NCK2: variants seen among roughly 807,000 people sequenced by gnomAD.
The protein encoded by NCK2 is NCK adaptor protein 2, also known as cytoplasmic protein NCK2.
NCK2 carries 16 observed loss-of-function variants against 33.9 expected under a neutral mutation model. That is an observed-to-expected ratio of 0.47 (90% CI 0.32 to 0.72). NCK2 has a LOEUF of 0.72. Ranked by LOEUF, NCK2 falls within the 30% of genes least tolerant of loss-of-function variation. The pLI, the probability that NCK2 is intolerant of heterozygous loss-of-function variation, is 0.03. For synonymous variants in NCK2, 273 were observed against 239.9 expected (o/e 1.14, Z -1.27); for missense variants, 418 against 537.3 (o/e 0.78, Z 2.19).
At chr2:105,755,295 T>C (rs747649369) in intron 1 of NCK2, among the ~76,000 whole-genome samples, 1 of 152,080 alleles carries the variant, frequency 6.6e-6, no homozygotes, top group Non-Finnish European at 1.5e-5. Context: ...AGGAGGAGGG[T>C]GTCAGACATC....
At chr2:105,802,897 C>T (rs1251561315) in intron 1 of NCK2, among the ~76,000 whole-genome samples, 3 of 151,988 alleles carry the variant, frequency 2.0e-5, no homozygotes, top group African/African-American at 7.3e-5. Context: ...CTGCTGCTTT[C>T]TCGGGGGTGA....
chr2:105,854,889 G>A, intron 2 of NCK2, 159 bp from the exon 3 acceptor site: 1 of 586,480 alleles, frequency 1.7e-6, no homozygotes, highest in Non-Finnish European at 3.1e-6. Flanking sequence ...AAAGCTTGTT[G>A]AAAGAAGGTC....
intron 2 of NCK2, among the ~76,000 whole-genome samples, chr2:105,836,870 G>T (rs143715835): frequency 6.6e-6 from 1 of 152,318 alleles, no homozygotes; most frequent in East Asian, 1.9e-4. Context: ...GACTCAGGGA[G>T]TAGGGGCTAC....
In NCK2 at chr2:105,824,681, G is replaced by A. The variant is rs74934192; in HGVS notation, c.-17+8068G>A. On this transcript the variant is annotated intron_variant, in intron 2 of 4. Transcript: ENST00000233154. ...GGAGGAATCACTGGGGCGTGCTCAT[G>A]TGTGGGTGTTGTGCTTTCATGGCTG... Among the ~76,000 whole-genome samples the A allele has an allele frequency of 7.5e-4, 114 of 152,312 alleles. No individual in the cohort carries two copies. In the East Asian group the frequency reaches 0.014, roughly 19 times the overall value.
At chr2:105,790,323 T>A (rs1055416259) in intron 1 of NCK2, among the ~76,000 whole-genome samples, 3 of 152,244 alleles carry the variant, frequency 2.0e-5, no homozygotes, top group Non-Finnish European at 2.9e-5. Flanking sequence ...GATCTTGCCC[T>A]GCTGACTCAG....
rs747822398 is a variant in NCK2 at position 105,881,886 on chromosome 2, A to G, written c.785A>G (p.His262Arg). The G allele has an allele frequency of 6.4e-7, 1 of 1,573,838 alleles. No individual in the cohort carries two copies. The highest frequency in any genetic ancestry group is 8.6e-7 in the Non-Finnish European group (1 of 1,160,158). ...VVVLSDGPAL[H>R]PAHAPQISYT... The stretch of plus-strand genomic sequence containing the variant: ...GTCCTCAGTGACGGGCCTGCCCTGC[A>G]CCCTGCGCACGCCCCACAGATAAGC... Residue 262 changes from histidine to arginine, a missense_variant, in exon 4 of 5, where the codon CAC becomes CGC. By Grantham distance (29) the His-to-Arg change is conservative (BLOSUM62 0). Coordinates refer to ENST00000233154, the MANE Select transcript of NCK2 (RefSeq NM_003581.5).
intron 3 of NCK2, among the ~76,000 whole-genome samples, chr2:105,857,689 C>G (rs980832720): frequency 1.6e-4 from 25 of 152,336 alleles, no homozygotes; most frequent in African/African-American, 6.0e-4. Flanking sequence ...ATCTTCATAG[C>G]CAAAAGGCCC....
At chr2:105,799,988 G>C (rs1005982954) in intron 1 of NCK2, among the ~76,000 whole-genome samples, 1 of 152,198 alleles carries the variant, frequency 6.6e-6, no homozygotes, top group African/African-American at 2.4e-5. Context: ...GGTCAGCGTA[G>C]CTTCTGGTAA....
At chr2:105,787,132 C>A (rs934650237) in intron 1 of NCK2, among the ~76,000 whole-genome samples, 6 of 152,238 alleles carry the variant, frequency 3.9e-5, no homozygotes, top group Admixed American at 3.9e-4. Context: ...CTGCCCTCAC[C>A]TTTGACCCTC....
At chr2:105,851,061 G>T (rs185561129) in intron 2 of NCK2, among the ~76,000 whole-genome samples, 22 of 152,304 alleles carry the variant, frequency 1.4e-4, no homozygotes, top group Admixed American at 3.9e-4. Context: ...CGAAGCCTGT[G>T]AGGATACAGG....
intron 3 of NCK2, among the ~76,000 whole-genome samples, chr2:105,859,422 C>A (rs933103245): frequency 4.6e-5 from 7 of 152,200 alleles, no homozygotes; most frequent in African/African-American, 1.7e-4. Context: ...TCCAGCGTCA[C>A]CTGCCCCAGG....
chr2:105,826,884 CAAAA>C (rs1256975909), intron 2 of NCK2, among the ~76,000 whole-genome samples: 2 of 151,996 alleles, frequency 1.3e-5, no homozygotes, highest in African/African-American at 4.8e-5. Context: ...AAATACTAAT[CAAAA>C]GAAAGCAGAA....
chr2:105,817,493 A>G (rs13024715), intron 2 of NCK2, among the ~76,000 whole-genome samples: 43,257 of 152,106 alleles, frequency 0.28, 6,969 homozygotes, highest in South Asian at 0.39. Flanking sequence ...GAGAAGACAC[A>G]TTTTCACCTC....
chr2:105,795,485 T>C (rs1446845062), intron 1 of NCK2, among the ~76,000 whole-genome samples: 1 of 152,224 alleles, frequency 6.6e-6, no homozygotes, highest in Non-Finnish European at 1.5e-5. Context: ...CATAAATATT[T>C]GAGTCATATT....
upstream of NCK2, chr2:105,744,843 G>C (rs1689207279): frequency 6.3e-6 from 1 of 159,262 alleles, no homozygotes; most frequent in Non-Finnish European, 1.3e-5. Context: ...GGAGGAGGCG[G>C]GCGCTGCGCG....
chr2:105,764,038 G>A (rs1689852020), intron 1 of NCK2, among the ~76,000 whole-genome samples: 1 of 152,224 alleles, frequency 6.6e-6, no homozygotes, highest in South Asian at 2.1e-4. Flanking sequence ...ACAACCCCAC[G>A]AGGCTGCCCT....
intron 2 of NCK2, among the ~76,000 whole-genome samples, chr2:105,818,853 A>G (rs995948760): frequency 3.3e-5 from 5 of 152,214 alleles, no homozygotes; most frequent in African/African-American, 4.8e-5. Flanking sequence ...TACTACTACA[A>G]ACACATCTTG....
chr2:105,799,100 C>T (rs758549544), intron 1 of NCK2, among the ~76,000 whole-genome samples: 2 of 152,108 alleles, frequency 1.3e-5, no homozygotes, highest in Non-Finnish European at 2.9e-5. Context: ...AAGAAGCTCT[C>T]GCTGTGTCCT....
At chr2:105,790,716 A>G (rs1690848618) in intron 1 of NCK2, among the ~76,000 whole-genome samples, 1 of 152,206 alleles carries the variant, frequency 6.6e-6, no homozygotes, top group South Asian at 2.1e-4. Flanking sequence ...AGAAGTGTAC[A>G]TGGGTGGAGC....
Sources: gnomAD v4.1 joint callset for allele counts (sites outside exome capture counted in the v4.1 genomes callset) on GRCh38, gnomAD v4.1.1 for gene constraint, MANE v1.5 for transcripts, NCBI Gene and HGNC (gene_info 2026-07-23, HGNC 2026-07-21) for gene names.